Variants in SOCS7 observed in about 807,000 individuals in gnomAD.
The protein encoded by SOCS7 is suppressor of cytokine signaling 7.
A neutral mutation model predicts 58.9 loss-of-function variants in SOCS7; 18 were observed. That is an observed-to-expected ratio of 0.31 (90% CI 0.21 to 0.45). The LOEUF (loss-of-function observed/expected upper bound fraction) is 0.45. Ranked by LOEUF, SOCS7 falls within the 20% of genes least tolerant of loss-of-function variation. The pLI, the probability that SOCS7 is intolerant of heterozygous loss-of-function variation, is 1.00. For synonymous variants in SOCS7, 388 were observed against 364.3 expected (o/e 1.06, Z -0.74); for missense variants, 667 against 837.3 (o/e 0.80, Z 2.51).
At chr17:38,355,675 A>G (rs2037627594) in intron 1 of SOCS7, among the ~76,000 whole-genome samples, 1 of 152,166 alleles carries the variant, frequency 6.6e-6, no homozygotes, top group East Asian at 1.9e-4. Flanking sequence ...TCTTTGCTGT[A>G]TAATTTGGGG....
Position 38,365,633 on chromosome 17 carries a change from GACT to G in SOCS7, c.1252+228_1252+230del, listed in dbSNP as rs1198210918. On this transcript the variant is annotated intron_variant, in intron 4 of 9. Coordinates refer to ENST00000612932, the MANE Select transcript of SOCS7 (RefSeq NM_014598.4). ...AATCTGATTTTTGTTAGGGATGAAA[GACT>G]ACTGAATTTTTCATCAGTCTTTGCT... 11 of 415,090 alleles carry G rather than the reference GACT, an allele frequency of 2.7e-5. No individual in the cohort carries two copies. In the East Asian group the frequency reaches 4.1e-4, roughly 16 times the overall value. The allele number at this position is 415,090 out of a possible 1,614,324, so 25.7% of individuals were successfully genotyped here. A position where few individuals can be genotyped will look rare whatever the true frequency, so the allele number is the denominator to read the frequency against.
intron 6 of SOCS7, among the ~76,000 whole-genome samples, chr17:38,368,872 A>C (rs2144341523): frequency 6.6e-6 from 1 of 152,250 alleles, no homozygotes; most frequent in African/African-American, 2.4e-5. Context: ...CTCTTAGGAA[A>C]TATTCATTAA....
chr17:38,390,640 T>TTTCCTTCCTTCCTTCCTTCC (rs60020052), intron 7 of SOCS7, among the ~76,000 whole-genome samples: 60 of 114,406 alleles, frequency 5.2e-4, no homozygotes, highest in Non-Finnish European at 6.5e-4. Context: ...TTTTGTTCGT[T>TTTCCTTCCTTCCTTCCTTCC]TTCCTTCCTT....
Position 38,353,174 on chromosome 17 carries a change from C to T in SOCS7, c.980+142C>T, listed in dbSNP as rs41503346. 3.1e-3 allele frequency: 2,314 copies of T among 757,778 alleles called. 32 individuals carry two copies. The African/African-American group carries it at 0.033, about 11-fold the overall frequency. 46.9% of individuals were successfully genotyped at this position (757,778 alleles called of 1,614,324 possible). A position where few individuals can be genotyped will look rare whatever the true frequency, so the allele number is the denominator to read the frequency against. ...GACTTGGGACCAAAGGTGGTAACAT[C>T]TCGCATAAGGTCAGCGCTAATTGTG... On this transcript the variant is annotated intron_variant, in intron 1 of 9. Coordinates refer to ENST00000612932, the MANE Select transcript of SOCS7 (RefSeq NM_014598.4).
intron 9 of SOCS7, among the ~76,000 whole-genome samples, chr17:38,397,479 G>T (rs2038259752): frequency 6.6e-6 from 1 of 152,158 alleles, no homozygotes; most frequent in Non-Finnish European, 1.5e-5. Context: ...AGGTCCCCTT[G>T]CCCAGAATGC....
intron 7 of SOCS7, among the ~76,000 whole-genome samples, chr17:38,389,868 C>CATATATATATATGTACATATAT (rs2038135393): frequency 5.4e-5 from 1 of 18,626 alleles, no homozygotes; most frequent in Non-Finnish European, 1.0e-4. Context: ...TATGTGTGTA[C>CATATATATATATGTACATATAT]ATATATATAT....
chr17:38,369,188 C>G (rs975883859), intron 6 of SOCS7, among the ~76,000 whole-genome samples: 10 of 152,200 alleles, frequency 6.6e-5, no homozygotes, highest in African/African-American at 2.4e-4. Context: ...CCATCCCTCA[C>G]AGTCTTACCA....
At chr17:38,396,671 A>C (rs1187029166) in intron 9 of SOCS7, among the ~76,000 whole-genome samples, 1 of 152,236 alleles carries the variant, frequency 6.6e-6, no homozygotes, top group Non-Finnish European at 1.5e-5. Context: ...TGGTTTGTGC[A>C]GATGAATTCC....
chr17:38,387,315 T>TG (rs2038087407), intron 7 of SOCS7, among the ~76,000 whole-genome samples: 1 of 144,396 alleles, frequency 6.9e-6, no homozygotes, highest in Non-Finnish European at 1.5e-5. Flanking sequence ...GGCGTGGTGG[T>TG]GGGCACCTGT....
intron 6 of SOCS7, among the ~76,000 whole-genome samples, chr17:38,372,321 T>G (rs149062874): frequency 3.8e-4 from 58 of 152,336 alleles, no homozygotes; most frequent in African/African-American, 1.4e-3. Flanking sequence ...TCAAAACTTA[T>G]GCACACAAAC....
At position 38,403,177 on chromosome 17, in the gene SOCS7, T is replaced by G. The variant is rs974836655; in HGVS notation, c.*3695T>G. The G allele has an allele frequency of 1.3e-5, 2 of 152,026 alleles. No homozygotes were observed. The highest frequency in any genetic ancestry group is 2.9e-5 in the Non-Finnish European group (2 of 68,006). 9.4% of individuals were successfully genotyped at this position (152,026 alleles called of 1,614,324 possible). ...GAAAGGTGTGGCCAAAGGAAACTCC[T>G]GCATGGCTCCTGCTCCTTCCCCTTC... On this transcript the variant is annotated 3_prime_UTR_variant, in exon 10 of 10. Transcript: ENST00000612932.
In SOCS7 at chr17:38,368,129, A is replaced by T. The variant is rs587661886; in HGVS notation, c.1552+79A>T. The T allele has an allele frequency of 1.4e-5, 18 of 1,289,826 alleles. No individual in the cohort carries two copies. The African/African-American group carries it at 2.2e-4, about 16-fold the overall frequency. 79.9% of individuals were successfully genotyped at this position (1,289,826 alleles called of 1,614,324 possible). A position where few individuals can be genotyped will look rare whatever the true frequency, so the allele number is the denominator to read the frequency against. ...GCTGTCTGACTTTTTTGTGGAAGAGATTCATAGGAATGGAACTACAAATAG... is the reference window on the plus strand; with the variant it reads ...GCTGTCTGACTTTTTTGTGGAAGAGTTTCATAGGAATGGAACTACAAATAG... On this transcript the variant is annotated intron_variant, in intron 6 of 9. Coordinates refer to ENST00000612932, the MANE Select transcript of SOCS7 (RefSeq NM_014598.4).
At chr17:38,387,934 T>C (rs2038101932) in intron 7 of SOCS7, among the ~76,000 whole-genome samples, 1 of 151,602 alleles carries the variant, frequency 6.6e-6, no homozygotes, top group Admixed American at 6.6e-5. Context: ...TACACCTGGC[T>C]AATTTTTTTG....
chr17:38,385,254 C>T (rs1448385147), intron 7 of SOCS7, among the ~76,000 whole-genome samples: 3 of 151,610 alleles, frequency 2.0e-5, no homozygotes, highest in Non-Finnish European at 4.4e-5. Flanking sequence ...TTTTTTCTTG[C>T]AATTTATATA....
chr17:38,404,456 C>T lies in SOCS7; in HGVS notation c.*4974C>T, dbSNP rs538782595. On this transcript the variant is annotated 3_prime_UTR_variant, in exon 10 of 10. Coordinates refer to ENST00000612932, the MANE Select transcript of SOCS7 (RefSeq NM_014598.4). ...CCCTGCATGCTGAGTTTGTGACCTG[C>T]TTCATTCCCATTTCATTTCTAGAGG... 85 of 152,478 alleles carry T rather than the reference C, an allele frequency of 5.6e-4. No individual in the cohort carries two copies. The highest frequency in any genetic ancestry group is 1.8e-3 in the African/African-American group (75 of 41,542). The allele number at this position is 152,478 out of a possible 1,614,324, so 9.4% of individuals were successfully genotyped here. A position where few individuals can be genotyped will look rare whatever the true frequency, so the allele number is the denominator to read the frequency against.
In SOCS7 at chr17:38,404,874, G is replaced by A. The variant is rs938712286; in HGVS notation, c.*5392G>A. 2.0e-5 allele frequency: 3 copies of A among 152,260 alleles called. No individual in the cohort carries two copies. The highest frequency in any genetic ancestry group is 7.2e-5 in the African/African-American group (3 of 41,470). The allele number at this position is 152,260 out of a possible 1,614,324, so 9.4% of individuals were successfully genotyped here. A position where few individuals can be genotyped will look rare whatever the true frequency, so the allele number is the denominator to read the frequency against. ...TGCCACTTTGGGTAGCTGGCTGTTG[G>A]AATGCCCACACTGGTGCTGCCTGTG... On this transcript the variant is annotated 3_prime_UTR_variant, in exon 10 of 10. Coordinates refer to ENST00000612932, the MANE Select transcript of SOCS7 (RefSeq NM_014598.4).
chr17:38,389,995 C>T (rs1013292716), intron 7 of SOCS7, among the ~76,000 whole-genome samples: 1 of 141,684 alleles, frequency 7.1e-6, no homozygotes, highest in African/African-American at 2.6e-5. Flanking sequence ...GATCGTGGCT[C>T]ACTGCAACCT....
rs1044978816 is a variant in SOCS7, at chr17:38,352,854, C to T, written c.802C>T (p.Pro268Ser). 2 of 1,585,398 alleles carry T rather than the reference C, an allele frequency of 1.3e-6. No individual in the cohort carries two copies. Among genetic ancestry groups the T allele is most frequent in the Non-Finnish European group, 1.7e-6 (2 of 1,166,354 alleles). Residue 268 changes from proline (P) to serine (S), a missense_variant, in exon 1 of 10, where the codon CCT becomes TCT. By Grantham distance (74) the Pro-to-Ser change is moderately conservative (BLOSUM62 -1). Around this residue, in one of 9 missense-constraint regions of SOCS7, gnomAD observed 208 missense variants for 190.3 expected, o/e 1.09. Coordinates refer to ENST00000612932, the MANE Select transcript of SOCS7 (RefSeq NM_014598.4). The surrounding 1 kb of genome is among the most constrained non-coding windows in gnomAD (Gnocchi z 5.5). ...PPGPLRPLAG[P>S]SRKGSFKIRL... ...CGGGCCCCTCCGGCCACTCGCGGGT[C>T]CTTCTCGGAAGGGCTCCTTCAAAAT... is the stretch of plus-strand genomic sequence containing the variant.
chr17:38,396,490 C>A (rs913729941), intron 9 of SOCS7, among the ~76,000 whole-genome samples: 1 of 152,208 alleles, frequency 6.6e-6, no homozygotes, highest in Non-Finnish European at 1.5e-5. Flanking sequence ...CCATGTCCCA[C>A]AGCTTGGAAT....
Sources: gnomAD v4.1 joint callset for allele counts (sites outside exome capture counted in the v4.1 genomes callset) on GRCh38, gnomAD v4.1.1 for gene constraint, gnomAD v4.1.1 regional missense constraint, Gnocchi (gnomAD v3.1) non-coding constraint, MANE v1.5 for transcripts, NCBI Gene and HGNC (gene_info 2026-07-23, HGNC 2026-07-21) for gene names.